The following KHDRBS3 variants were observed in gnomAD, a reference collection of about 807,000 sequenced individuals.
KHDRBS3 encodes KH RNA binding domain containing, signal transduction associated 3, also known as KH domain-containing, RNA-binding, signal transduction-associated protein 3.
KHDRBS3 carries 23 observed loss-of-function variants against 45.6 expected under a neutral mutation model. That is an observed-to-expected ratio of 0.50 (90% CI 0.36 to 0.72). KHDRBS3 has a LOEUF of 0.72. Among genes scored for constraint, KHDRBS3 ranks in the 30% least tolerant of loss-of-function variants. KHDRBS3 has a pLI of 0.00. For synonymous variants in KHDRBS3, 162 were observed against 156.5 expected (o/e 1.04, Z -0.26); for missense variants, 352 against 424.8 (o/e 0.83, Z 1.51).
chr8:135,502,649 G>A (rs952624520), intron 1 of KHDRBS3, among the ~76,000 whole-genome samples: 3 of 152,226 alleles, frequency 2.0e-5, no homozygotes, highest in South Asian at 2.1e-4. Flanking sequence ...CATAACTACC[G>A]TTTATTGAGC....
At chr8:135,565,625 G>A (rs1248063779) in intron 5 of KHDRBS3, among the ~76,000 whole-genome samples, 1 of 152,156 alleles carries the variant, frequency 6.6e-6, no homozygotes, top group Non-Finnish European at 1.5e-5. Flanking sequence ...TGGTTCAGTT[G>A]TCACTAGAGA....
chr8:135,646,958 A>G (rs1277658945), intron 8 of KHDRBS3, 35 bp from the exon 9 acceptor site: 1 of 1,105,322 alleles, frequency 9.0e-7, no homozygotes, highest in Admixed American at 1.7e-5. Flanking sequence ...GATTCATGGC[A>G]GTGATCTAAT....
At chr8:135,497,577 A>G (rs1823521794) in intron 1 of KHDRBS3, among the ~76,000 whole-genome samples, 1 of 152,142 alleles carries the variant, frequency 6.6e-6, no homozygotes. Context: ...GTGAAGGGGG[A>G]GTCACAGGCA....
At chr8:135,604,345 T>C (rs1700379447) in intron 6 of KHDRBS3, among the ~76,000 whole-genome samples, 1 of 152,014 alleles carries the variant, frequency 6.6e-6, no homozygotes, top group Non-Finnish European at 1.5e-5. Flanking sequence ...AGACAGCATG[T>C]GGTTGGATCA....
At chr8:135,597,595 G>C (rs1312802312) in intron 6 of KHDRBS3, among the ~76,000 whole-genome samples, 5 of 151,910 alleles carry the variant, frequency 3.3e-5, no homozygotes, top group Non-Finnish European at 5.9e-5. Flanking sequence ...CATATATTTT[G>C]CTTGGTTTTG....
chr8:135,629,861 C>G (rs1830522068), intron 7 of KHDRBS3, among the ~76,000 whole-genome samples: 1 of 152,192 alleles, frequency 6.6e-6, no homozygotes, highest in Non-Finnish European at 1.5e-5. Context: ...AATTCAGTAA[C>G]TCCTGTCAGG....
chr8:135,558,579 G>A (rs544995655), intron 5 of KHDRBS3, among the ~76,000 whole-genome samples: 8 of 152,198 alleles, frequency 5.3e-5, no homozygotes, highest in African/African-American at 1.7e-4. Context: ...GATACCTATG[G>A]ATTTTTCTCT....
At chr8:135,574,255 G>GTTAGCACGT (rs1482696673) in intron 5 of KHDRBS3, among the ~76,000 whole-genome samples, 204 of 149,802 alleles carry the variant, frequency 1.4e-3, no homozygotes, top group East Asian at 3.0e-3. Context: ...CCTCCATCAT[G>GTTAGCACGT]CCTTTCTTCC....
At chr8:135,561,717 T>A (rs763238402) in intron 5 of KHDRBS3, among the ~76,000 whole-genome samples, 13 of 152,086 alleles carry the variant, frequency 8.5e-5, no homozygotes, top group Non-Finnish European at 1.6e-4. Flanking sequence ...CATGTAACAG[T>A]GGTCTCATAA....
chr8:135,533,240 T>A (rs1161147253), intron 2 of KHDRBS3, among the ~76,000 whole-genome samples: 1 of 152,150 alleles, frequency 6.6e-6, no homozygotes, highest in African/African-American at 2.4e-5. Context: ...TAATTAAGGG[T>A]TGTAGATAAA....
intron 1 of KHDRBS3, among the ~76,000 whole-genome samples, chr8:135,487,443 TAGA>T (rs1822919333): frequency 6.6e-6 from 1 of 152,062 alleles, no homozygotes; most frequent in African/African-American, 2.4e-5. Flanking sequence ...CTGGGCTAGA[TAGA>T]GGAGAGGAGG....
chr8:135,508,837 C>CT (rs566134056), intron 1 of KHDRBS3, among the ~76,000 whole-genome samples: 62 of 152,286 alleles, frequency 4.1e-4, no homozygotes, highest in African/African-American at 1.4e-3. Context: ...CTCCTAGCCT[C>CT]TTTTTTCCTG....
intron 1 of KHDRBS3, among the ~76,000 whole-genome samples, chr8:135,490,814 A>G (rs1823110404): frequency 6.6e-6 from 1 of 152,200 alleles, no homozygotes; most frequent in South Asian, 2.1e-4. Context: ...ATGTGGAGTC[A>G]GTGGGCAGCA....
chr8:135,614,481 A>G (rs1466164381), intron 7 of KHDRBS3, among the ~76,000 whole-genome samples: 2 of 151,882 alleles, frequency 1.3e-5, no homozygotes, highest in Non-Finnish European at 2.9e-5. Flanking sequence ...TATGTTTCTG[A>G]AAAAGTATAA....
chr8:135,615,061 C>G (rs942446202), intron 7 of KHDRBS3, among the ~76,000 whole-genome samples: 6 of 151,730 alleles, frequency 4.0e-5, no homozygotes, highest in African/African-American at 1.5e-4. Flanking sequence ...ACATCCCCTC[C>G]CCTGGGGAAT....
chr8:135,570,931 G>A (rs1362190824), intron 5 of KHDRBS3, among the ~76,000 whole-genome samples: 2 of 152,138 alleles, frequency 1.3e-5, no homozygotes, highest in African/African-American at 4.8e-5. Flanking sequence ...CTGATGAAGG[G>A]GAGACAAAAA....
chr8:135,580,258 C>G (rs879545255), intron 5 of KHDRBS3, among the ~76,000 whole-genome samples: 4 of 152,124 alleles, frequency 2.6e-5, no homozygotes, highest in Admixed American at 2.6e-4. Context: ...AATGACCAGC[C>G]CCACAGATTG....
chr8:135,583,522 T>C (rs1828316420), intron 6 of KHDRBS3, among the ~76,000 whole-genome samples: 1 of 152,196 alleles, frequency 6.6e-6, no homozygotes, highest in African/African-American at 2.4e-5. Flanking sequence ...TTGGCTTACA[T>C]TGATTTCTTA....
At chr8:135,541,117 A>C (rs1008245665) in intron 2 of KHDRBS3, 8 of 152,260 alleles carry the variant, frequency 5.3e-5, no homozygotes, top group African/African-American at 1.9e-4. Context: ...AAAATGAAGG[A>C]ATCAGTAGGT....
Sources: gnomAD v4.1 joint callset for allele counts (sites outside exome capture counted in the v4.1 genomes callset) on GRCh38, gnomAD v4.1.1 for gene constraint, MANE v1.5 for transcripts, NCBI Gene and HGNC (gene_info 2026-07-23, HGNC 2026-07-21) for gene names.